GAB1: variants seen among roughly 807,000 people sequenced by gnomAD.
The protein encoded by GAB1 is GRB2 associated binding protein 1.
GAB1 carries 19 observed loss-of-function variants against 66.5 expected under a neutral mutation model. The ratio of observed to expected loss-of-function variants is 0.29; its 90% CI spans 0.20 to 0.42. The LOEUF is 0.42. Ranked by LOEUF, GAB1 falls within the 10% of genes least tolerant of loss-of-function variation. The pLI is 1.00. For synonymous variants in GAB1, 294 were observed against 301.4 expected, an observed-to-expected ratio of 0.98 and a Z score of 0.25; for missense variants, 732 against 858.5, an observed-to-expected ratio of 0.85 and a Z score of 1.84.
At chr4:143,378,273 A>G (rs1160100902) in intron 1 of GAB1, among the ~76,000 whole-genome samples, 1 of 152,242 alleles carries the variant, frequency 6.6e-6, no homozygotes, top group Non-Finnish European at 1.5e-5. Flanking sequence ...GATGTAGCAG[A>G]TGTATAGCAG....
At chr4:143,364,111 C>T (rs1369240737) in intron 1 of GAB1, among the ~76,000 whole-genome samples, 1 of 151,714 alleles carries the variant, frequency 6.6e-6, no homozygotes, top group Non-Finnish European at 1.5e-5. Flanking sequence ...TCGCTTGAAC[C>T]CGGGAATCAG....
intron 2 of GAB1, chr4:143,424,975 C>T (rs1733251909): frequency 1.6e-6 from 1 of 629,016 alleles, no homozygotes; most frequent in Non-Finnish European, 2.8e-6. Context: ...AAAAAAAGGC[C>T]TTTCTGTGCT....
chr4:143,349,545 G>C (rs191773336), intron 1 of GAB1: 1 of 1,507,904 alleles, frequency 6.6e-7, no homozygotes, highest in Middle Eastern at 2.3e-4. Context: ...GTGCGGAGAC[G>C]ATGCCAGTGC....
chr4:143,339,568 A>G lies in GAB1; in HGVS notation c.72+2308A>G, dbSNP rs117963044. 1.3e-4 allele frequency among the ~76,000 whole-genome samples: 20 copies of G among 152,348 alleles called. No homozygotes were observed. The East Asian group carries it at 3.9e-3, about 29-fold the overall frequency. On this transcript the variant is annotated intron_variant, in intron 1 of 9. Coordinates refer to ENST00000262994, the MANE Select transcript of GAB1 (RefSeq NM_002039.4). Reference sequence around the variant, plus strand: ...AGATTATAACTTTTCCTGACTCTGAATATTAGTTGAGAATACAAGAATGAG... The same window carrying G: ...AGATTATAACTTTTCCTGACTCTGAGTATTAGTTGAGAATACAAGAATGAG...
intron 1 of GAB1, among the ~76,000 whole-genome samples, chr4:143,387,620 T>C (rs538679991): frequency 6.6e-6 from 1 of 152,320 alleles, no homozygotes; most frequent in East Asian, 1.9e-4. Flanking sequence ...TGCATTCGAT[T>C]CTTGCTTATC....
intron 1 of GAB1, among the ~76,000 whole-genome samples, chr4:143,353,154 T>C (rs967072473): frequency 6.6e-6 from 1 of 152,168 alleles, no homozygotes; most frequent in Non-Finnish European, 1.5e-5. Context: ...GAAGTTCTGG[T>C]TATTCTGGTT....
At chr4:143,432,882 T>C (rs924467069) in intron 2 of GAB1, among the ~76,000 whole-genome samples, 1 of 152,162 alleles carries the variant, frequency 6.6e-6, no homozygotes, top group Non-Finnish European at 1.5e-5. Flanking sequence ...ACTACAAAAA[T>C]CCACTAAATG....
At chr4:143,412,004 G>A (rs113210160) in intron 1 of GAB1, among the ~76,000 whole-genome samples, 3,032 of 152,266 alleles carry the variant, frequency 0.02, 102 homozygotes, top group African/African-American at 0.069. Context: ...ATTTCCTGCC[G>A]TAAGGGTTCA....
chr4:143,466,887 T>A (rs1308577316), intron 9 of GAB1, among the ~76,000 whole-genome samples: 1 of 152,224 alleles, frequency 6.6e-6, no homozygotes, highest in Admixed American at 6.5e-5. Context: ...TTTAATGTTG[T>A]CTTTTTGTTA....
intron 6 of GAB1, among the ~76,000 whole-genome samples, chr4:143,451,605 C>T (rs913953799): frequency 6.6e-6 from 1 of 152,112 alleles, no homozygotes; most frequent in South Asian, 2.1e-4. Flanking sequence ...TTTAAGAATA[C>T]AATAGAGAAA....
intron 9 of GAB1, among the ~76,000 whole-genome samples, chr4:143,467,878 C>T (rs990031010): frequency 6.6e-6 from 1 of 152,156 alleles, no homozygotes; most frequent in Non-Finnish European, 1.5e-5. Context: ...AGAAGCTCAC[C>T]ACTCCCTCTA....
chr4:143,467,077 G>A (rs560418111), intron 9 of GAB1, among the ~76,000 whole-genome samples: 2 of 152,110 alleles, frequency 1.3e-5, no homozygotes, highest in East Asian at 3.9e-4. Context: ...GAGGTCATTG[G>A]TAGTAATTTT....
At chr4:143,372,564 G>A (rs1280587912) in intron 1 of GAB1, among the ~76,000 whole-genome samples, 6 of 152,100 alleles carry the variant, frequency 3.9e-5, no homozygotes, top group African/African-American at 1.4e-4. Flanking sequence ...GCTTAAATTG[G>A]GTCTGAAGTC....
intron 1 of GAB1, among the ~76,000 whole-genome samples, chr4:143,356,657 T>C (rs1212792512): frequency 1.3e-5 from 2 of 152,194 alleles, no homozygotes; most frequent in Non-Finnish European, 2.9e-5. Context: ...TGTTTTAACC[T>C]GCACAGGTTC....
intron 1 of GAB1, among the ~76,000 whole-genome samples, chr4:143,346,512 C>A (rs1371123885): frequency 6.6e-6 from 1 of 152,118 alleles, no homozygotes; most frequent in Non-Finnish European, 1.5e-5. Context: ...CCTTGATTAT[C>A]GAGAGAGAAG....
intron 2 of GAB1, among the ~76,000 whole-genome samples, chr4:143,427,663 C>T (rs1402249818): frequency 6.6e-6 from 1 of 152,092 alleles, no homozygotes; most frequent in South Asian, 2.1e-4. Flanking sequence ...TAACTTTTCC[C>T]AGTTTGGAGG....
At chr4:143,356,117 AAGAT>A (rs1286303119) in intron 1 of GAB1, among the ~76,000 whole-genome samples, 1 of 152,164 alleles carries the variant, frequency 6.6e-6, no homozygotes, top group Non-Finnish European at 1.5e-5. Flanking sequence ...TGAAAATGTT[AAGAT>A]AGTCTGATTT....
Position 143,406,258 on chromosome 4 carries a change from T to C in GAB1, c.73-9219T>C, listed in dbSNP as rs530407490. Among the ~76,000 whole-genome samples, 4 of 152,342 alleles carry C rather than the reference T, an allele frequency of 2.6e-5. No homozygotes were observed. The South Asian group carries it at 8.3e-4, about 32-fold the overall frequency. On this transcript the variant is annotated intron_variant, in intron 1 of 9. Transcript: ENST00000262994. ...TGGTGCCTAGGTATTTAGCCACATT[T>C]TTTTTTTCATTATTTCCTTAGGTGA... is the stretch of plus-strand genomic sequence containing the variant.
In GAB1 at chr4:143,469,348, T is replaced by C. The variant is rs766858509; in HGVS notation, c.*159T>C. 4.7e-6 allele frequency: 3 copies of C among 640,494 alleles called. No individual in the cohort carries two copies. Among genetic ancestry groups the C allele is most frequent in the Non-Finnish European group, 8.0e-6 (3 of 376,588 alleles). 39.7% of individuals were successfully genotyped at this position (640,494 alleles called of 1,614,324 possible). A position where few individuals can be genotyped will look rare whatever the true frequency, so the allele number is the denominator to read the frequency against. ...CATAATCAAGCAATTTAGACTTAAGTGGTGCTTTGTGGTATCTGAACAATT... is the reference window on the plus strand; with the variant it reads ...CATAATCAAGCAATTTAGACTTAAGCGGTGCTTTGTGGTATCTGAACAATT... On this transcript the variant is annotated 3_prime_UTR_variant, in exon 10 of 10. Coordinates refer to ENST00000262994, the MANE Select transcript of GAB1 (RefSeq NM_002039.4).
Sources: gnomAD v4.1 joint callset for allele counts (sites outside exome capture counted in the v4.1 genomes callset) on GRCh38, gnomAD v4.1.1 for gene constraint, MANE v1.5 for transcripts, NCBI Gene and HGNC (gene_info 2026-07-23, HGNC 2026-07-21) for gene names.